The following BAZ2B variants were observed in gnomAD, a reference collection of about 807,000 sequenced individuals.
BAZ2B encodes the protein bromodomain adjacent to zinc finger domain 2B.
A neutral mutation model predicts 246.0 loss-of-function variants in BAZ2B; 91 were observed. The observed-to-expected ratio is 0.37, with a 90% confidence interval of 0.31 to 0.44. The LOEUF is 0.44. Ranked by LOEUF, BAZ2B falls within the 20% of genes least tolerant of loss-of-function variation. The probability of loss-of-function intolerance (pLI) is 1.00; values close to 1 mark genes in which losing one functional copy is unlikely to be tolerated. For missense variants in BAZ2B, 2,332 were observed against 2,533.7 expected (o/e 0.92, Z 1.71); for synonymous variants, 855 against 860.0 (o/e 0.99, Z 0.10).
intron 36 of BAZ2B, among the ~76,000 whole-genome samples, chr2:159,323,269 G>A (rs999791457): frequency 2.0e-5 from 3 of 151,958 alleles, no homozygotes; most frequent in Non-Finnish European, 2.9e-5. Context: ...ACAGGCGTGA[G>A]CCACCTTGCC....
intron 2 of BAZ2B, among the ~76,000 whole-genome samples, chr2:159,498,615 T>C (rs1294970379): frequency 3.3e-5 from 5 of 152,188 alleles, no homozygotes; most frequent in Non-Finnish European, 5.9e-5. Context: ...GTTCAGACTA[T>C]AACAGTGCAT....
chr2:159,612,517 C>T (rs543168345), intron 1 of BAZ2B, among the ~76,000 whole-genome samples: 1 of 152,176 alleles, frequency 6.6e-6, no homozygotes, highest in East Asian at 1.9e-4. Context: ...GAAACTACAA[C>T]TTAAGATCCC....
chr2:159,456,107 AC>A (rs2075743146), intron 3 of BAZ2B, among the ~76,000 whole-genome samples: 1 of 152,162 alleles, frequency 6.6e-6, no homozygotes, highest in African/African-American at 2.4e-5. Flanking sequence ...GTGATTTAAT[AC>A]AAAGAAATTT....
chr2:159,576,383 C>A (rs528303943), intron 1 of BAZ2B, among the ~76,000 whole-genome samples: 2 of 152,004 alleles, frequency 1.3e-5, no homozygotes, highest in South Asian at 2.1e-4. Flanking sequence ...CAAAGTGAGA[C>A]CCCGTCTTTA....
intron 4 of BAZ2B, among the ~76,000 whole-genome samples, chr2:159,452,640 C>A (rs892243500): frequency 4.6e-5 from 7 of 152,170 alleles, no homozygotes; most frequent in Non-Finnish European, 1.0e-4. Context: ...AAAATACATA[C>A]AAATTTAGGC....
At chr2:159,453,503 T>G in intron 4 of BAZ2B, 110 bp downstream of exon 4, 3 of 1,260,828 alleles carry the variant, frequency 2.4e-6, no homozygotes, top group Non-Finnish European at 3.1e-6. Context: ...CACCAAAGTT[T>G]TAAATATACC....
intron 31 of BAZ2B, among the ~76,000 whole-genome samples, chr2:159,344,376 A>T (rs1309258448): frequency 6.6e-6 from 1 of 151,980 alleles, no homozygotes; most frequent in Non-Finnish European, 1.5e-5. Flanking sequence ...CTCTACTAAA[A>T]ATACAAAATT....
At chr2:159,495,462 GCGACAGAGCGAGACTC>G (rs1400520682) in intron 2 of BAZ2B, among the ~76,000 whole-genome samples, 1 of 129,650 alleles carries the variant, frequency 7.7e-6, no homozygotes, top group East Asian at 2.2e-4. Flanking sequence ...TCCAGCCTGG[GCGACAGAGCGAGACTC>G]CGTCTCAAAA....
chr2:159,642,007 C>A, the BAZ2B span, among the ~76,000 whole-genome samples: 1 of 152,060 alleles, frequency 6.6e-6, no homozygotes, highest in African/African-American at 2.4e-5. Flanking sequence ...TATCATTCAA[C>A]TCCCTTTTAT....
At chr2:159,595,823 C>T (rs1178569705) in intron 1 of BAZ2B, among the ~76,000 whole-genome samples, 1 of 152,266 alleles carries the variant, frequency 6.6e-6, no homozygotes, top group Non-Finnish European at 1.5e-5. Context: ...ACTGTTCCAA[C>T]TGTGTTTAAC....
intron 1 of BAZ2B, among the ~76,000 whole-genome samples, chr2:159,610,210 A>G (rs538974852): frequency 1.0e-3 from 157 of 152,310 alleles, no homozygotes; most frequent in African/African-American, 3.7e-3. Flanking sequence ...ATGCTTTCTT[A>G]CTACAGCCAA....
chr2:159,556,093 T>C (rs2089082003), intron 1 of BAZ2B, among the ~76,000 whole-genome samples: 1 of 152,210 alleles, frequency 6.6e-6, no homozygotes, highest in Non-Finnish European at 1.5e-5. Context: ...TGTTTTTGTT[T>C]ATAATCACCA....
upstream of BAZ2B, among the ~76,000 whole-genome samples, chr2:159,619,774 T>A (rs1696358364): frequency 1.3e-5 from 2 of 152,062 alleles, no homozygotes; most frequent in African/African-American, 4.8e-5. Flanking sequence ...CCTTCCCTTT[T>A]TCATGTTATC....
rs190438217 is a variant in BAZ2B, at chr2:159,524,308, A to T, written c.-3+31515T>A. Among the ~76,000 whole-genome samples the T allele has an allele frequency of 1.3e-4, 20 of 152,242 alleles. No individual in the cohort carries two copies. The East Asian group carries it at 3.9e-3, about 29-fold the overall frequency. On this transcript the variant is annotated intron_variant, in intron 2 of 36. Transcript: ENST00000392783. ...TTAAAAAAATAAATAAAATAAAATT[A>T]GCCAGGCATGGTGGTGCGCGCCTGT...
At chr2:159,336,566 T>C (rs1218144254) in intron 33 of BAZ2B, among the ~76,000 whole-genome samples, 5 of 152,134 alleles carry the variant, frequency 3.3e-5, no homozygotes, top group African/African-American at 1.2e-4. Context: ...TGAAAACTGA[T>C]AGAAAAAGAC....
intron 3 of BAZ2B, among the ~76,000 whole-genome samples, chr2:159,456,034 C>T (rs910449147): frequency 6.6e-6 from 1 of 151,544 alleles, no homozygotes; most frequent in South Asian, 2.1e-4. Flanking sequence ...AATTTGGGGT[C>T]ATCTGTAATT....
At chr2:159,675,327 T>A in the BAZ2B span, among the ~76,000 whole-genome samples, 1 of 151,742 alleles carries the variant, frequency 6.6e-6, no homozygotes, top group Non-Finnish European at 1.5e-5. Context: ...GTTTAACAAA[T>A]GTTAAATGAG....
chr2:159,662,899 T>G, the BAZ2B span, among the ~76,000 whole-genome samples: 1 of 152,206 alleles, frequency 6.6e-6, no homozygotes, highest in Non-Finnish European at 1.5e-5. Context: ...ATTTTGATTT[T>G]CATTTCCCTG....
downstream of BAZ2B, among the ~76,000 whole-genome samples, chr2:159,316,523 C>T (rs1388479219): frequency 6.6e-6 from 1 of 151,382 alleles, no homozygotes; most frequent in East Asian, 1.9e-4. Flanking sequence ...AACCCCGTCT[C>T]TACTAAAAAT....
Sources: gnomAD v4.1 joint callset for allele counts (sites outside exome capture counted in the v4.1 genomes callset) on GRCh38, gnomAD v4.1.1 for gene constraint, MANE v1.5 for transcripts, NCBI Gene and HGNC (gene_info 2026-07-23, HGNC 2026-07-21) for gene names.